The following CNTNAP5 variants were observed in gnomAD, a reference collection of about 807,000 sequenced individuals.
The protein encoded by CNTNAP5 is contactin associated protein family member 5.
CNTNAP5 carries 72 observed loss-of-function variants against 150.2 expected under a neutral mutation model. The observed-to-expected ratio is 0.48, with a 90% confidence interval of 0.40 to 0.58. The LOEUF is 0.58. Ranked by LOEUF, CNTNAP5 falls within the 20% of genes least tolerant of loss-of-function variation. The pLI is 0.00. For synonymous variants in CNTNAP5, 672 were observed against 619.8 expected (o/e 1.08, Z -1.25); for missense variants, 1,636 against 1,626.2 (o/e 1.01, Z -0.10).
chr2:124,369,717 A>G (rs1344844471), intron 3 of CNTNAP5, among the ~76,000 whole-genome samples: 1 of 152,202 alleles, frequency 6.6e-6, no homozygotes, highest in Non-Finnish European at 1.5e-5. Flanking sequence ...CATGAAAATC[A>G]CTCAAAAAAT....
intron 3 of CNTNAP5, among the ~76,000 whole-genome samples, chr2:124,270,616 A>G (rs1427509278): frequency 6.6e-6 from 1 of 152,172 alleles, no homozygotes; most frequent in South Asian, 2.1e-4. Flanking sequence ...GTTTTTAAGG[A>G]GGAGAGTGAG....
At chr2:124,654,861 A>G (rs1280089703) in intron 13 of CNTNAP5, among the ~76,000 whole-genome samples, 1 of 152,090 alleles carries the variant, frequency 6.6e-6, no homozygotes, top group Non-Finnish European at 1.5e-5. Context: ...CACCAGAATT[A>G]AAACCACAAA....
intron 13 of CNTNAP5, among the ~76,000 whole-genome samples, chr2:124,718,215 A>G (rs116713146): frequency 0.017 from 2,527 of 152,312 alleles, 54 homozygotes; most frequent in African/African-American, 0.052. Context: ...ATATAAAAAT[A>G]CAAAGATAAA....
chr2:124,897,692 G>A (rs1312880285), intron 21 of CNTNAP5, among the ~76,000 whole-genome samples: 5 of 151,338 alleles, frequency 3.3e-5, no homozygotes, highest in Non-Finnish European at 5.9e-5. Flanking sequence ...AAAGTGTCAC[G>A]CATAGCATAA....
chr2:124,199,033 G>C (rs1037126205), intron 1 of CNTNAP5, among the ~76,000 whole-genome samples: 3 of 152,070 alleles, frequency 2.0e-5, no homozygotes, highest in Admixed American at 2.0e-4. Flanking sequence ...ATATTCACAC[G>C]GCAATTACTA....
intron 1 of CNTNAP5, among the ~76,000 whole-genome samples, chr2:124,170,987 C>T (rs1221584690): frequency 1.3e-5 from 2 of 152,130 alleles, no homozygotes; most frequent in Non-Finnish European, 2.9e-5. Flanking sequence ...ATTTGAGAAG[C>T]CCCTAACTTC....
Position 124,117,685 on chromosome 2 carries a change from A to G in CNTNAP5, c.82+91953A>G, listed in dbSNP as rs1683459894. ...TTCCATAGCACCGACTTCTTAAAAA[A>G]CCAGTACTTACCTACTCTCCTGTTC... On this transcript the variant is annotated intron_variant, in intron 1 of 23. Coordinates refer to ENST00000682447, the MANE Select transcript of CNTNAP5 (RefSeq NM_001367498.1). Among the ~76,000 whole-genome samples the G allele has an allele frequency of 2.0e-5, 3 of 152,208 alleles. No homozygotes were observed. In the South Asian group the frequency reaches 6.2e-4, roughly 31 times the overall value.
intron 22 of CNTNAP5, among the ~76,000 whole-genome samples, chr2:124,909,826 C>CATATATATATATATATATATATAT (rs368913883): frequency 1.2e-4 from 9 of 74,622 alleles, no homozygotes; most frequent in Non-Finnish European, 2.0e-4. Context: ...CAATTGGTGA[C>CATATATATATATATATATATATAT]ATATATATAT....
chr2:124,291,573 A>T (rs1451536885), intron 3 of CNTNAP5, among the ~76,000 whole-genome samples: 1 of 151,726 alleles, frequency 6.6e-6, no homozygotes, highest in African/African-American at 2.4e-5. Context: ...TAGACCTATG[A>T]TTTAATCTAA....
intron 9 of CNTNAP5, among the ~76,000 whole-genome samples, chr2:124,525,669 G>A (rs1694948047): frequency 6.6e-6 from 1 of 152,144 alleles, no homozygotes; most frequent in Non-Finnish European, 1.5e-5. Context: ...GGGTGAGGAA[G>A]GGCCTGTGAC....
intron 3 of CNTNAP5, among the ~76,000 whole-genome samples, chr2:124,294,931 C>A (rs1384834909): frequency 6.6e-6 from 1 of 152,094 alleles, no homozygotes; most frequent in East Asian, 1.9e-4. Context: ...CTTGGTGAAA[C>A]CCCATCTGTA....
chr2:124,340,530 G>A (rs1335533633), intron 3 of CNTNAP5, among the ~76,000 whole-genome samples: 1 of 151,934 alleles, frequency 6.6e-6, no homozygotes, highest in Non-Finnish European at 1.5e-5. Context: ...CTGGAGTTGT[G>A]GCAACAAGTT....
rs140902356 is a variant in CNTNAP5 at position 124,904,158 on chromosome 2, A to C, written c.3655+1058A>C. Among the ~76,000 whole-genome samples, 518 of 151,444 alleles carry C rather than the reference A, an allele frequency of 3.4e-3. 3 individuals carry two copies. Among genetic ancestry groups the C allele is most frequent in the African/African-American group, 0.012 (489 of 41,256 alleles). On this transcript the variant is annotated intron_variant, in intron 22 of 23. Transcript: ENST00000682447. Reference sequence around the variant, plus strand: ...CATTTCCTGCACACACCAGCTCCTGACAACCGCCGTTCTCTCTGTTTCTAT... The same window carrying C: ...CATTTCCTGCACACACCAGCTCCTGCCAACCGCCGTTCTCTCTGTTTCTAT...
chr2:124,499,033 A>G lies in CNTNAP5; in HGVS notation c.1063-5259A>G, dbSNP rs1409870933. 5.9e-5 allele frequency among the ~76,000 whole-genome samples: 9 copies of G among 152,342 alleles called. No homozygotes were observed. In the East Asian group the frequency reaches 1.4e-3, roughly 23 times the overall value. On this transcript the variant is annotated intron_variant, in intron 7 of 23. Transcript: ENST00000682447. ...GCATCAGATCTGGGAAAAGGGAGAA[A>G]CAATAAGCCAGGAGCAATGCTAGAT...
chr2:124,317,187 C>A (rs996595175), intron 3 of CNTNAP5, among the ~76,000 whole-genome samples: 3 of 152,058 alleles, frequency 2.0e-5, no homozygotes, highest in African/African-American at 7.2e-5. Context: ...GGCAGACTTA[C>A]CTTTAGATTA....
chr2:124,064,728 G>A (rs775914798), intron 1 of CNTNAP5, among the ~76,000 whole-genome samples: 30 of 151,954 alleles, frequency 2.0e-4, no homozygotes, highest in African/African-American at 4.4e-4. Context: ...CCACCCTCCC[G>A]TGACTACCAC....
intron 1 of CNTNAP5, among the ~76,000 whole-genome samples, chr2:124,040,814 A>C (rs1332147215): frequency 6.6e-6 from 1 of 152,168 alleles, no homozygotes; most frequent in Non-Finnish European, 1.5e-5. Context: ...ACTGGGTCAC[A>C]ATATATATAC....
chr2:124,400,680 T>TG (rs1185453204), intron 3 of CNTNAP5, among the ~76,000 whole-genome samples: 1,270 of 106,358 alleles, frequency 0.012, 21 homozygotes, highest in South Asian at 0.083. Flanking sequence ...TTTTTTTTTT[T>TG]TTTTTTTTGT....
chr2:124,258,789 T>C (rs1404754143), intron 3 of CNTNAP5, among the ~76,000 whole-genome samples: 1 of 152,196 alleles, frequency 6.6e-6, no homozygotes, highest in Non-Finnish European at 1.5e-5. Flanking sequence ...CAATAGGACA[T>C]GTATGCATCA....
Sources: allele counts gnomAD v4.1 joint callset (sites outside exome capture counted in the v4.1 genomes callset), GRCh38; gene constraint gnomAD v4.1.1; transcripts MANE v1.5; gene names NCBI Gene and HGNC (gene_info 2026-07-23, HGNC 2026-07-21).